The following STT3A variants were observed in gnomAD, a reference collection of about 807,000 sequenced individuals.
STT3A encodes the protein dolichyl-diphosphooligosaccharide--protein glycosyltransferase subunit STT3A.
STT3A carries 34 observed loss-of-function variants against 89.2 expected under a neutral mutation model. The ratio of observed to expected loss-of-function variants is 0.38; its 90% CI spans 0.29 to 0.51. The LOEUF (loss-of-function observed/expected upper bound fraction) is 0.51. STT3A is among the 20% of genes least tolerant of loss of function. The pLI is 0.89. For missense variants in STT3A, 555 were observed against 889.5 expected (o/e 0.62, Z 4.78); for synonymous variants, 282 against 310.3 (o/e 0.91, Z 0.96).
In STT3A at chr11:125,614,248, A is replaced by G. The variant is rs1193620508; in HGVS notation, c.1671+45A>G. On this transcript the variant is annotated intron_variant, in intron 14 of 17. Coordinates refer to ENST00000392708, the MANE Select transcript of STT3A (RefSeq NM_152713.5). The surrounding 1 kb of genome is among the most constrained non-coding windows in gnomAD (Gnocchi z 4.9). ...TTTGAGTGTTTGGTGTACAAGGTCTAATGGGAAATGTGTCTGCATGAGGGG... is the reference window on the plus strand; with the variant it reads ...TTTGAGTGTTTGGTGTACAAGGTCTGATGGGAAATGTGTCTGCATGAGGGG... 6.2e-7 allele frequency: 1 copy of G among 1,612,156 alleles called. No homozygotes were observed. Among genetic ancestry groups the G allele is most frequent in the Non-Finnish European group, 8.5e-7 (1 of 1,178,258 alleles).
In STT3A at chr11:125,606,260, A is replaced by G. The variant is rs758564406; in HGVS notation, c.616-41A>G. The G allele has an allele frequency of 1.9e-6, 3 of 1,579,858 alleles. No individual in the cohort carries two copies. In the South Asian group the frequency reaches 3.5e-5, roughly 18 times the overall value. ...ACAATATAGTGGTGGTGGTCTGAGG[A>G]GGCATACTCAGAGGAACTGTTTTTT... On this transcript the variant is annotated intron_variant, in intron 7 of 17. Transcript: ENST00000392708.
intron 8 of STT3A, among the ~76,000 whole-genome samples, chr11:125,607,252 C>T (rs992587161): frequency 2.0e-5 from 3 of 152,158 alleles, no homozygotes; most frequent in East Asian, 3.9e-4. Flanking sequence ...AGGTAGTCTA[C>T]GCTAAGCTGT....
rs1030836487 is a variant in STT3A at position 125,619,727 on chromosome 11, A to C, written c.1964-284A>C. On this transcript the variant is annotated intron_variant, in intron 16 of 17. Coordinates refer to ENST00000392708, the MANE Select transcript of STT3A (RefSeq NM_152713.5). ...GGTTGCTAGTGTATTAGAGGCTCTA[A>C]ATGACAATCCTCAGGAATAGAGGGC... is the stretch of plus-strand genomic sequence containing the variant. 1.6e-4 allele frequency among the ~76,000 whole-genome samples: 25 copies of C among 152,236 alleles called. No homozygotes were observed. The South Asian group carries it at 1.7e-3, about 10-fold the overall frequency.
chr11:125,602,452 T>TA (rs767376722), intron 4 of STT3A, 28 bp downstream of exon 4: 1,143 of 1,509,416 alleles, frequency 7.6e-4, no homozygotes, highest in South Asian at 1.1e-3. Flanking sequence ...GTTTTTTTTT[T>TA]TAAAAAAAAA....
chr11:125,612,836 A>G (rs753189524), intron 12 of STT3A, 89 bp downstream of exon 12: 5 of 1,542,302 alleles, frequency 3.2e-6, no homozygotes, highest in Non-Finnish European at 4.4e-6. Context: ...GGAGGAGTAA[A>G]GTAGAGCACT....
At chr11:125,596,747 G>C (rs757004004) in intron 2 of STT3A, among the ~76,000 whole-genome samples, 2 of 152,080 alleles carry the variant, frequency 1.3e-5, no homozygotes, top group African/African-American at 2.4e-5. Context: ...GTGTATGGTG[G>C]GGGAGTCAGC....
intron 3 of STT3A, among the ~76,000 whole-genome samples, chr11:125,601,811 T>A (rs562145014): frequency 8.5e-4 from 130 of 152,084 alleles, no homozygotes; most frequent in Non-Finnish European, 1.5e-3. Flanking sequence ...TTATTTATTT[T>A]TTTTTCTGAG....
chr11:125,612,081 C>T (rs1167390179), intron 11 of STT3A, among the ~76,000 whole-genome samples: 3 of 151,688 alleles, frequency 2.0e-5, no homozygotes, highest in Admixed American at 6.6e-5. Flanking sequence ...TTTCCATGTT[C>T]GTCAGGCTGA....
chr11:125,617,298 T>C (rs1940205165), intron 15 of STT3A, among the ~76,000 whole-genome samples: 1 of 152,202 alleles, frequency 6.6e-6, no homozygotes, highest in Admixed American at 6.5e-5. Flanking sequence ...TAGATACTCT[T>C]ATTTTTCTAA....
chr11:125,618,709 T>A, intron 16 of STT3A, 148 bp downstream of exon 16: 1 of 725,620 alleles, frequency 1.4e-6, no homozygotes, highest in Non-Finnish European at 2.0e-6. Flanking sequence ...ATACTGATAT[T>A]ATTGTCATAT....
Position 125,602,380 on chromosome 11 carries a change from C to G in STT3A, c.227C>G (p.Ala76Gly), listed in dbSNP as rs1262343448. ...YKFHNWFDDRAWYPLGRIIGG... is the reference protein window; with the variant it reads ...YKFHNWFDDRGWYPLGRIIGG... ...TTCCATAACTGGTTTGATGACCGAG[C>G]CTGGTACCCTTTGGGACGAATCATT... The change falls in exon 4 of 18, where the codon GCC (alanine) becomes GGC (glycine). Residue 76 changes from alanine (A) to glycine (G), a missense_variant. Physicochemically the swap from Ala to Gly is moderately conservative, Grantham distance 60. Coordinates refer to ENST00000392708, the MANE Select transcript of STT3A (RefSeq NM_152713.5). 2 of 1,613,534 alleles carry G rather than the reference C, an allele frequency of 1.2e-6. No individual in the cohort carries two copies. Among genetic ancestry groups the G allele is most frequent in the Admixed American group, 1.7e-5 (1 of 59,970 alleles).
intron 15 of STT3A, among the ~76,000 whole-genome samples, chr11:125,615,358 G>T (rs1456381241): frequency 6.6e-6 from 1 of 152,068 alleles, no homozygotes; most frequent in African/African-American, 2.4e-5. Context: ...GTCCCCAGAA[G>T]CAATGATTCC....
intron 9 of STT3A, 193 bp downstream of exon 9, chr11:125,608,482 A>T: frequency 2.2e-6 from 1 of 449,378 alleles, no homozygotes; most frequent in South Asian, 3.6e-5. Flanking sequence ...GCCCGCCACC[A>T]CGCCCAGCCA....
chr11:125,599,525 C>T (rs145333080), intron 3 of STT3A, among the ~76,000 whole-genome samples: 9 of 152,280 alleles, frequency 5.9e-5, no homozygotes, highest in African/African-American at 1.7e-4. Flanking sequence ...ATCCTCCCAC[C>T]TCAGCCTCCC....
chr11:125,610,119 G>A (rs1388176634), intron 10 of STT3A, among the ~76,000 whole-genome samples: 1 of 142,402 alleles, frequency 7.0e-6, no homozygotes, highest in African/African-American at 2.6e-5. Flanking sequence ...CTTCAGGGCA[G>A]TGGTACAATC....
At position 125,604,266 on chromosome 11, in the gene STT3A, TGAA is replaced by T; in HGVS notation, c.508+25_508+27del. On this transcript the variant is annotated intron_variant, in intron 6 of 17. Coordinates refer to ENST00000392708, the MANE Select transcript of STT3A (RefSeq NM_152713.5). ...AATGAAGGTAAGACTTTTAAAATGC[TGAA>T]GAAGATCATCTCACCTCATTATCCA... 6.2e-7 allele frequency: 1 copy of T among 1,611,880 alleles called. No individual in the cohort carries two copies. Among genetic ancestry groups the T allele is most frequent in the East Asian group, 2.2e-5 (1 of 44,848 alleles).
chr11:125,612,952 T>C, intron 12 of STT3A, 37 bp from the exon 13 acceptor site: 1 of 1,606,970 alleles, frequency 6.2e-7, no homozygotes, highest in Non-Finnish European at 8.5e-7. Flanking sequence ...GAATTTAGTT[T>C]GGTTAACTAC....
rs1398412932 is a variant in STT3A at position 125,611,531 on chromosome 11, C to T, written c.1209+12C>T. 2 of 1,611,796 alleles carry T rather than the reference C, an allele frequency of 1.2e-6. No homozygotes were observed. Among genetic ancestry groups the T allele is most frequent in the Non-Finnish European group, 8.5e-7 (1 of 1,178,542 alleles). On this transcript the variant is annotated intron_variant, in intron 11 of 17. Transcript: ENST00000392708. ...TTTCAGCTGTAATGGTGAGGATGCC[C>T]TCAGTCTGGTAGACTTTTTCACTCT...
Position 125,614,255 on chromosome 11 carries a change from A to G in STT3A, c.1671+52A>G. ...GTTTGGTGTACAAGGTCTAATGGGA[A>G]ATGTGTCTGCATGAGGGGATCATAT... is the stretch of plus-strand genomic sequence containing the variant. On this transcript the variant is annotated intron_variant, in intron 14 of 17. Coordinates refer to ENST00000392708, the MANE Select transcript of STT3A (RefSeq NM_152713.5). The surrounding 1 kb of genome is among the most constrained non-coding windows in gnomAD (Gnocchi z 4.9). 1 of 1,612,584 alleles carries G rather than the reference A, an allele frequency of 6.2e-7. No individual in the cohort carries two copies. Among genetic ancestry groups the G allele is most frequent in the Non-Finnish European group, 8.5e-7 (1 of 1,178,624 alleles).
Sources: allele counts gnomAD v4.1 joint callset (sites outside exome capture counted in the v4.1 genomes callset), GRCh38; gene constraint gnomAD v4.1.1; non-coding constraint Gnocchi (gnomAD v3.1); transcripts MANE v1.5; gene names NCBI Gene and HGNC (gene_info 2026-07-23, HGNC 2026-07-21).